The following CYYR1 variants were observed in gnomAD, a reference collection of about 807,000 sequenced individuals.
The protein encoded by CYYR1 is cysteine and tyrosine-rich protein 1.
Under a neutral mutation model 15.2 loss-of-function variants are expected in CYYR1, and 14 were observed. The observed-to-expected ratio is 0.92, with a 90% CI of 0.61 to 1.44. The LOEUF is 1.44. Ranked by LOEUF, CYYR1 falls within the 40% of genes most tolerant of loss-of-function variation. The probability of loss-of-function intolerance (pLI) is 0.00; values close to 1 mark genes in which losing one functional copy is unlikely to be tolerated. For synonymous variants in CYYR1, 80 were observed against 77.4 expected, an observed-to-expected ratio of 1.03 and a Z score of -0.18; for missense variants, 228 against 209.5, an observed-to-expected ratio of 1.09 and a Z score of -0.54.
intron 2 of CYYR1, among the ~76,000 whole-genome samples, chr21:26,516,854 G>A (rs2065733252): frequency 6.6e-6 from 1 of 151,988 alleles, no homozygotes; most frequent in African/African-American, 2.4e-5. Context: ...GGTGGCTCAC[G>A]CCTGTAATCC....
At chr21:26,516,263 T>TA (rs1466198034) in intron 2 of CYYR1, among the ~76,000 whole-genome samples, 1 of 152,218 alleles carries the variant, frequency 6.6e-6, no homozygotes, top group Admixed American at 6.5e-5. Context: ...TGATAGTTTA[T>TA]AAGGGCCCTT....
chr21:26,471,632 T>C (rs2123362644), intron 3 of CYYR1: 1 of 152,352 alleles, frequency 6.6e-6, no homozygotes, highest in South Asian at 2.1e-4. Flanking sequence ...TTTGAAATAA[T>C]ATTTGTATAA....
At chr21:26,480,454 A>G (rs1454872599) in intron 2 of CYYR1, 25 bp from the exon 3 acceptor site, 2 of 1,595,194 alleles carry the variant, frequency 1.3e-6, no homozygotes, top group Non-Finnish European at 1.7e-6. Flanking sequence ...AAGTAAGTTT[A>G]CTCAAAAGAC....
At chr21:26,504,904 G>A (rs192095420) in intron 2 of CYYR1, among the ~76,000 whole-genome samples, 1 of 152,242 alleles carries the variant, frequency 6.6e-6, no homozygotes. Context: ...GTGAGAACAT[G>A]CAATGTTTGT....
At chr21:26,476,237 T>C (rs1341161138) in intron 3 of CYYR1, among the ~76,000 whole-genome samples, 2 of 152,188 alleles carry the variant, frequency 1.3e-5, no homozygotes, top group Non-Finnish European at 2.9e-5. Context: ...AGATTTAGGC[T>C]GTGATCTTCC....
At chr21:26,487,937 A>G (rs1307846918) in intron 2 of CYYR1, among the ~76,000 whole-genome samples, 3 of 149,474 alleles carry the variant, frequency 2.0e-5, no homozygotes, top group Admixed American at 1.3e-4. Flanking sequence ...AAAAATCTGT[A>G]AAATCCAAAT....
intron 2 of CYYR1, among the ~76,000 whole-genome samples, chr21:26,558,592 T>A (rs931094354): frequency 2.6e-5 from 4 of 152,192 alleles, no homozygotes; most frequent in Non-Finnish European, 5.9e-5. Context: ...AAGTATTGAA[T>A]CCCTGGAAAC....
At chr21:26,500,613 C>T (rs1007140312) in intron 2 of CYYR1, among the ~76,000 whole-genome samples, 1 of 152,110 alleles carries the variant, frequency 6.6e-6, no homozygotes, top group Non-Finnish European at 1.5e-5. Flanking sequence ...TGAACAAGAA[C>T]TTTCCTCTTT....
At chr21:26,563,403 C>G (rs1259850568) in intron 2 of CYYR1, among the ~76,000 whole-genome samples, 1 of 152,020 alleles carries the variant, frequency 6.6e-6, no homozygotes, top group Admixed American at 6.6e-5. Context: ...GAAAACCACT[C>G]TCTACTAAAA....
intron 1 of CYYR1, among the ~76,000 whole-genome samples, chr21:26,566,973 C>G (rs556444442): frequency 6.7e-6 from 1 of 148,718 alleles, no homozygotes; most frequent in East Asian, 2.0e-4. Context: ...CATGCCACTG[C>G]ACTCCAGCCT....
chr21:26,472,969 C>A (rs1004106695), intron 3 of CYYR1, among the ~76,000 whole-genome samples: 11 of 151,954 alleles, frequency 7.2e-5, no homozygotes, highest in Admixed American at 3.3e-4. Context: ...TTTATTTTTT[C>A]TAAGTTTTAA....
At chr21:26,570,830 A>G (rs916981175) in intron 1 of CYYR1, among the ~76,000 whole-genome samples, 1 of 152,140 alleles carries the variant, frequency 6.6e-6, no homozygotes, top group African/African-American at 2.4e-5. Context: ...TGTTGCATGT[A>G]CAGATCTTGA....
chr21:26,554,499 C>T (rs1979625898), intron 2 of CYYR1, among the ~76,000 whole-genome samples: 1 of 152,116 alleles, frequency 6.6e-6, no homozygotes, highest in South Asian at 2.1e-4. Flanking sequence ...CCTTCAGCAA[C>T]CACTGGGCAG....
chr21:26,496,753 G>C (rs138866755), intron 2 of CYYR1, among the ~76,000 whole-genome samples: 1 of 152,078 alleles, frequency 6.6e-6, no homozygotes, highest in East Asian at 1.9e-4. Context: ...TGTAGACCCG[G>C]ATAAATAGAA....
chr21:26,533,057 C>A (rs2065952253), intron 2 of CYYR1, among the ~76,000 whole-genome samples: 1 of 151,416 alleles, frequency 6.6e-6, no homozygotes, highest in East Asian at 1.9e-4. Flanking sequence ...ACTTCTGGTC[C>A]CATGCATTTT....
chr21:26,484,927 T>C (rs555607317), intron 2 of CYYR1, among the ~76,000 whole-genome samples: 13 of 152,210 alleles, frequency 8.5e-5, no homozygotes, highest in African/African-American at 1.2e-4. Context: ...GATCCTTTGA[T>C]ACCCATTAGC....
chr21:26,499,836 G>T (rs200243954), intron 2 of CYYR1, among the ~76,000 whole-genome samples: 117 of 137,974 alleles, frequency 8.5e-4, no homozygotes, highest in South Asian at 2.5e-3. Flanking sequence ...ACACATTTTT[G>T]TTTTTTTTTT....
At chr21:26,478,074 C>A (rs1463060455) in intron 3 of CYYR1, 3 of 1,549,506 alleles carry the variant, frequency 1.9e-6, no homozygotes, top group Non-Finnish European at 2.6e-6. Context: ...CCTGGTCTTA[C>A]ATGCTTGGAA....
Position 26,472,756 on chromosome 21 carries a change from C to T in CYYR1, c.335-4122G>A, listed in dbSNP as rs117470157. The stretch of plus-strand genomic sequence containing the variant: ...TATTATATAATTTTTACCTTACTGA[C>T]ATTCTGAAGTTTAAAACCATAACAA... On this transcript the variant is annotated intron_variant, in intron 3 of 3. Coordinates refer to ENST00000652641, the MANE Select transcript of CYYR1 (RefSeq NM_001320768.2). Among the ~76,000 whole-genome samples the T allele has an allele frequency of 6.9e-4, 105 of 152,176 alleles. 4 individuals are homozygous for T. In the East Asian group the frequency reaches 0.019, roughly 27 times the overall value.
Sources: gnomAD v4.1 joint callset for allele counts (sites outside exome capture counted in the v4.1 genomes callset) on GRCh38, gnomAD v4.1.1 for gene constraint, MANE v1.5 for transcripts, NCBI Gene and HGNC (gene_info 2026-07-23, HGNC 2026-07-21) for gene names.